SGCZ: variants seen among roughly 807,000 people sequenced by gnomAD.
SGCZ encodes sarcoglycan zeta, also known as zeta-sarcoglycan.
SGCZ carries 40 observed loss-of-function variants against 41.3 expected under a neutral mutation model. That is an observed-to-expected ratio of 0.97 (90% CI 0.75 to 1.26). The LOEUF (loss-of-function observed/expected upper bound fraction) is 1.26, where lower values mean the gene tolerates loss of function less well. Ranked by LOEUF, SGCZ falls within the 50% of genes most tolerant of loss-of-function variation. SGCZ has a pLI of 0.00. For synonymous variants in SGCZ, 206 were observed against 137.5 expected (o/e 1.50, Z -3.49); for missense variants, 552 against 369.8 (o/e 1.49, Z -4.04).
intron 2 of SGCZ, among the ~76,000 whole-genome samples, chr8:14,438,189 GAGA>G (rs1171309491): frequency 3.3e-5 from 5 of 152,092 alleles, no homozygotes; most frequent in East Asian, 3.9e-4. Context: ...TAAGGTGGAT[GAGA>G]AGTTTATACC....
At chr8:14,850,266 A>C (rs943397101) in intron 1 of SGCZ, among the ~76,000 whole-genome samples, 1 of 152,192 alleles carries the variant, frequency 6.6e-6, no homozygotes, top group Non-Finnish European at 1.5e-5. Context: ...ATATGCATGC[A>C]CTGTGCTGGG....
intron 5 of SGCZ, among the ~76,000 whole-genome samples, chr8:14,130,482 C>A (rs1448001844): frequency 7.9e-6 from 1 of 127,016 alleles, no homozygotes; most frequent in Non-Finnish European, 2.0e-5. Context: ...TTTATTCCCA[C>A]ACACAAAAAA....
chr8:14,851,293 T>C lies in SGCZ; in HGVS notation c.40-296367A>G, dbSNP rs181765421. ...CTGAGGTAGGAGAATGGCATGAACC[T>C]GGGAGGCAGAGCTTGCAGTAAGCCA... On this transcript the variant is annotated intron_variant, in intron 1 of 7. Coordinates refer to ENST00000382080, the MANE Select transcript of SGCZ (RefSeq NM_139167.4). 9.5e-3 allele frequency among the ~76,000 whole-genome samples: 1,221 copies of C among 128,016 alleles called. 16 individuals carry two copies. Among genetic ancestry groups the C allele is most frequent in the African/African-American group, 0.034 (1,147 of 33,312 alleles). The allele number at this position is 128,016 out of a possible 152,430, so 84.0% of individuals were successfully genotyped here.
intron 1 of SGCZ, among the ~76,000 whole-genome samples, chr8:15,195,575 C>T (rs899407705): frequency 3.9e-5 from 6 of 152,130 alleles, no homozygotes; most frequent in African/African-American, 1.2e-4. Flanking sequence ...GTATTTTTAA[C>T]CCTTTGGTGA....
At chr8:14,719,124 A>G (rs1032601180) in intron 1 of SGCZ, among the ~76,000 whole-genome samples, 3 of 149,964 alleles carry the variant, frequency 2.0e-5, no homozygotes, top group African/African-American at 7.4e-5. Context: ...TGTTCTTGCT[A>G]TAGTTTACTG....
chr8:14,124,263 T>C (rs1345365747), intron 5 of SGCZ, among the ~76,000 whole-genome samples: 1 of 152,154 alleles, frequency 6.6e-6, no homozygotes, highest in Non-Finnish European at 1.5e-5. Context: ...TATTTTTTCC[T>C]TTGTCCTTCA....
chr8:14,585,904 G>A (rs1805041696), intron 1 of SGCZ, among the ~76,000 whole-genome samples: 1 of 152,154 alleles, frequency 6.6e-6, no homozygotes, highest in African/African-American at 2.4e-5. Flanking sequence ...GGTGAAGTTG[G>A]CCACACAGTT....
At chr8:15,162,302 A>C (rs76908823) in intron 1 of SGCZ, among the ~76,000 whole-genome samples, 5,597 of 152,258 alleles carry the variant, frequency 0.037, 301 homozygotes, top group African/African-American at 0.12. Flanking sequence ...TTTTTAAAAA[A>C]CGGCCAAAAG....
intron 3 of SGCZ, among the ~76,000 whole-genome samples, chr8:14,248,911 A>G (rs1370572041): frequency 1.3e-5 from 2 of 152,158 alleles, no homozygotes; most frequent in African/African-American, 4.8e-5. Context: ...TTTATGACAA[A>G]TATGTTTCTA....
At chr8:15,197,834 G>A (rs1441893910) in intron 1 of SGCZ, among the ~76,000 whole-genome samples, 2 of 151,746 alleles carry the variant, frequency 1.3e-5, no homozygotes, top group South Asian at 4.1e-4. Context: ...CCTTTAGGTA[G>A]TAAATTATAC....
intron 1 of SGCZ, among the ~76,000 whole-genome samples, chr8:14,831,719 C>T (rs537475871): frequency 1.9e-4 from 29 of 151,230 alleles, no homozygotes; most frequent in South Asian, 2.1e-4. Flanking sequence ...TTCTAAAAAA[C>T]GTCTTTGAAA....
chr8:14,264,691 G>C (rs1356473679), intron 3 of SGCZ, among the ~76,000 whole-genome samples: 1 of 152,202 alleles, frequency 6.6e-6, no homozygotes, highest in Non-Finnish European at 1.5e-5. Flanking sequence ...GCCGGGAGCG[G>C]AGTCTCACGC....
At chr8:14,363,459 A>G (rs1260305376) in intron 2 of SGCZ, among the ~76,000 whole-genome samples, 1 of 152,166 alleles carries the variant, frequency 6.6e-6, no homozygotes, top group East Asian at 1.9e-4. Context: ...TTATGCCCGT[A>G]GGTAATAAGC....
chr8:14,651,937 A>G (rs2117457431), intron 1 of SGCZ, among the ~76,000 whole-genome samples: 1 of 152,050 alleles, frequency 6.6e-6, no homozygotes, highest in South Asian at 2.1e-4. Flanking sequence ...AAGAATGGGA[A>G]AGTTTACATT....
intron 1 of SGCZ, among the ~76,000 whole-genome samples, chr8:14,830,183 A>C (rs1206740414): frequency 6.6e-6 from 1 of 151,906 alleles, no homozygotes; most frequent in African/African-American, 2.4e-5. Context: ...GACCAACTTT[A>C]TTTATTTGGT....
chr8:14,146,197 C>A, intron 5 of SGCZ, among the ~76,000 whole-genome samples: 1 of 152,108 alleles, frequency 6.6e-6, no homozygotes, highest in Non-Finnish European at 1.5e-5. Context: ...CTAAAAGCAG[C>A]CAGAGAAAAT....
At chr8:14,845,943 T>C (rs148631770) in intron 1 of SGCZ, among the ~76,000 whole-genome samples, 12 of 152,246 alleles carry the variant, frequency 7.9e-5, no homozygotes, top group African/African-American at 2.9e-4. Flanking sequence ...TTAGCGGGGA[T>C]AAAAATGCAT....
At position 14,726,262 on chromosome 8, in the gene SGCZ, CAA is replaced by C. The variant is rs35093191; in HGVS notation, c.40-171338_40-171337del. Among the ~76,000 whole-genome samples, 6 of 99,222 alleles carry C rather than the reference CAA, an allele frequency of 6.0e-5. No homozygotes were observed. In the East Asian group the frequency reaches 1.5e-3, roughly 25 times the overall value. The allele number at this position is 99,222 out of a possible 152,430, so 65.1% of individuals were successfully genotyped here. A position where few individuals can be genotyped will look rare whatever the true frequency, so the allele number is the denominator to read the frequency against. ...TGGGCAAAAGAGTGAGACTCTGTCT[CAA>C]AAAAAAAAAAAAATCATACGCGTGT... On this transcript the variant is annotated intron_variant, in intron 1 of 7. Transcript: ENST00000382080.
intron 1 of SGCZ, among the ~76,000 whole-genome samples, chr8:15,190,811 G>A (rs1352828391): frequency 6.6e-6 from 1 of 151,948 alleles, no homozygotes; most frequent in Non-Finnish European, 1.5e-5. Flanking sequence ...ACTATAACAC[G>A]ATAAATAGTG....
Sources: gnomAD v4.1 joint callset for allele counts (sites outside exome capture counted in the v4.1 genomes callset) on GRCh38, gnomAD v4.1.1 for gene constraint, MANE v1.5 for transcripts, NCBI Gene and HGNC (gene_info 2026-07-23, HGNC 2026-07-21) for gene names.